The following DHRSX variants were observed in gnomAD, a reference collection of about 807,000 sequenced individuals.
The protein encoded by DHRSX is polyprenol dehydrogenase.
A neutral mutation model predicts 34.0 loss-of-function variants in DHRSX; 31 were observed. The observed-to-expected ratio is 0.91, with a 90% CI of 0.69 to 1.23. The LOEUF is 1.23. Ranked by LOEUF, DHRSX falls within the 50% of genes most tolerant of loss-of-function variation. The pLI, the probability that DHRSX is intolerant of heterozygous loss-of-function variation, is 0.00. For missense variants in DHRSX, 414 were observed against 428.1 expected, an observed-to-expected ratio of 0.97 and a Z score of 0.29; for synonymous variants, 201 against 183.8, an observed-to-expected ratio of 1.09 and a Z score of -0.76.
chrX:2,323,072 A>AG (rs2042332910), intron 3 of DHRSX, among the ~76,000 whole-genome samples: 1 of 151,614 alleles, frequency 6.6e-6, no homozygotes, highest in Non-Finnish European at 1.5e-5. Flanking sequence ...TACAGGCGCC[A>AG]CACCCAGCTA....
At chrX:2,300,244 C>T (rs917526477) in intron 3 of DHRSX, among the ~76,000 whole-genome samples, 61 of 152,132 alleles carry the variant, frequency 4.0e-4, no homozygotes, top group African/African-American at 1.4e-3. Flanking sequence ...CTGAGCCGTG[C>T]CCTCCCTCAC....
chrX:2,483,997 C>G (rs760015627), intron 1 of DHRSX, among the ~76,000 whole-genome samples: 1 of 152,250 alleles, frequency 6.6e-6, no homozygotes, highest in East Asian at 1.9e-4. Flanking sequence ...GTGGAATACA[C>G]GGAGTCTCGC....
chrX:2,361,212 G>C (rs2042930435), intron 3 of DHRSX, among the ~76,000 whole-genome samples: 4 of 152,102 alleles, frequency 2.6e-5, no homozygotes, highest in African/African-American at 4.8e-5. Flanking sequence ...CCGGGTTCAA[G>C]CGATTCTCCT....
intron 5 of DHRSX, among the ~76,000 whole-genome samples, chrX:2,250,031 C>T (rs1274079151): frequency 5.3e-5 from 8 of 151,622 alleles, no homozygotes; most frequent in African/African-American, 1.2e-4. Flanking sequence ...GGAGTGGTGG[C>T]GCATGCCTGT....
intron 2 of DHRSX, among the ~76,000 whole-genome samples, chrX:2,414,769 C>T (rs1223879770): frequency 1.3e-5 from 2 of 151,954 alleles, no homozygotes; most frequent in Admixed American, 6.6e-5. Context: ...CATAACCTAA[C>T]ACACCTGGGT....
At chrX:2,443,661 T>A (rs1569501936) in intron 1 of DHRSX, among the ~76,000 whole-genome samples, 1 of 152,114 alleles carries the variant, frequency 6.6e-6, no homozygotes, top group Non-Finnish European at 1.5e-5. Flanking sequence ...TAAGGACAAG[T>A]TCTTTCCAAC....
chrX:2,323,517 C>A (rs1366784458), intron 3 of DHRSX, among the ~76,000 whole-genome samples: 1 of 152,110 alleles, frequency 6.6e-6, no homozygotes, highest in Non-Finnish European at 1.5e-5. Context: ...AATCCCAGCA[C>A]TTTAAGAGGC....
intron 1 of DHRSX, among the ~76,000 whole-genome samples, chrX:2,474,615 G>A (rs73179257): frequency 1.4e-5 from 2 of 142,812 alleles, no homozygotes; most frequent in East Asian, 2.1e-4. Flanking sequence ...AAGGGACGGC[G>A]GCCATCTACA....
At chrX:2,444,066 G>A (rs751885089) in intron 1 of DHRSX, among the ~76,000 whole-genome samples, 139 of 150,774 alleles carry the variant, frequency 9.2e-4, no homozygotes, top group Middle Eastern at 7.1e-3. Flanking sequence ...CTGAGTTGGA[G>A]GCCTGGAAGC....
intron 3 of DHRSX, among the ~76,000 whole-genome samples, chrX:2,305,392 A>G (rs2042086838): frequency 2.6e-5 from 4 of 152,136 alleles, no homozygotes; most frequent in Admixed American, 2.6e-4. Flanking sequence ...ACTGTTGGTG[A>G]GAGTGGAAGT....
At chrX:2,435,694 C>T (rs773741247) in intron 1 of DHRSX, among the ~76,000 whole-genome samples, 1 of 152,070 alleles carries the variant, frequency 6.6e-6, no homozygotes, top group South Asian at 2.1e-4. Flanking sequence ...GAGCCCAGGA[C>T]TTGAAGGCTG....
intron 3 of DHRSX, among the ~76,000 whole-genome samples, chrX:2,350,098 C>T (rs753035328): frequency 2.3e-4 from 35 of 152,206 alleles, no homozygotes; most frequent in South Asian, 2.1e-3. Context: ...GGTATCCCAG[C>T]ACTTTGGGAG....
At chrX:2,290,814 G>T (rs2041856497) in intron 4 of DHRSX, among the ~76,000 whole-genome samples, 1 of 152,176 alleles carries the variant, frequency 6.6e-6, no homozygotes, top group Non-Finnish European at 1.5e-5. Context: ...TCCTCAGTGT[G>T]GAGGGTTCAG....
At chrX:2,276,980 G>GA (rs755945483) in intron 4 of DHRSX, among the ~76,000 whole-genome samples, 18 of 6,192 alleles carry the variant, frequency 2.9e-3, no homozygotes, top group Middle Eastern at 0.056. Context: ...GGAAATGGGG[G>GA]AAGAGAGAGA....
At chrX:2,475,300 G>C (rs1241263840) in intron 1 of DHRSX, among the ~76,000 whole-genome samples, 1 of 151,936 alleles carries the variant, frequency 6.6e-6, no homozygotes, top group Admixed American at 6.6e-5. Context: ...ATGTGGCTAA[G>C]GGACTGCCAC....
chrX:2,488,923 G>C, intron 1 of DHRSX: 1 of 1,602,234 alleles, frequency 6.2e-7, no homozygotes, highest in Non-Finnish European at 8.5e-7. Context: ...TGGGCAGCAG[G>C]GGGAAGAGGG....
At chrX:2,489,932 T>A (rs1381211867) in intron 1 of DHRSX, 1 of 1,613,864 alleles carries the variant, frequency 6.2e-7, no homozygotes, top group East Asian at 2.2e-5. Flanking sequence ...CCCGAAGACC[T>A]TGGCGCTGAT....
intron 6 of DHRSX, among the ~76,000 whole-genome samples, chrX:2,237,819 T>C (rs2016051794): frequency 6.6e-6 from 1 of 152,104 alleles, no homozygotes; most frequent in African/African-American, 2.4e-5. Flanking sequence ...CTCTTTTTTG[T>C]AACACCCATT....
At chrX:2,286,468 C>T (rs954599590) in intron 4 of DHRSX, among the ~76,000 whole-genome samples, 7 of 152,192 alleles carry the variant, frequency 4.6e-5, no homozygotes, top group Non-Finnish European at 8.8e-5. Context: ...CTGCAGCTTT[C>T]CATCCACCCT....
Sources: gnomAD v4.1 joint callset for allele counts (sites outside exome capture counted in the v4.1 genomes callset) on GRCh38, gnomAD v4.1.1 for gene constraint, MANE v1.5 for transcripts, NCBI Gene and HGNC (gene_info 2026-07-23, HGNC 2026-07-21) for gene names.